CD96: variants seen among roughly 807,000 people sequenced by gnomAD.
CD96 encodes T-cell surface protein tactile.
A neutral mutation model predicts 71.3 loss-of-function variants in CD96; 70 were observed. That is an observed-to-expected ratio of 0.98 (90% CI 0.81 to 1.20). The LOEUF (loss-of-function observed/expected upper bound fraction) is 1.20. CD96 is among the 50% of genes most tolerant of loss of function. The pLI, the probability that CD96 is intolerant of heterozygous loss-of-function variation, is 0.00. For missense variants in CD96, 742 were observed against 677.5 expected (o/e 1.10, Z -1.06); for synonymous variants, 248 against 233.0 (o/e 1.06, Z -0.59).
chr3:111,657,415 A>C (rs1361471393), intron 14 of CD96, among the ~76,000 whole-genome samples: 2 of 143,844 alleles, frequency 1.4e-5, no homozygotes, highest in African/African-American at 5.0e-5. Context: ...ACTCCATTTC[A>C]AAAAAAAAAA....
In CD96 at chr3:111,565,861, C is replaced by A. The variant is rs532052660; in HGVS notation, c.419-1662C>A. 1.3e-4 allele frequency among the ~76,000 whole-genome samples: 19 copies of A among 151,358 alleles called. No homozygotes were observed. The East Asian group carries it at 3.5e-3, about 28-fold the overall frequency. On this transcript the variant is annotated intron_variant, in intron 2 of 13. Transcript: ENST00000352690. ...GGAAGATGTACCCTAATGGGAAGAT[C>A]TGGTTTTAATTAGGAAAAGGAGGAG... is the stretch of plus-strand genomic sequence containing the variant.
chr3:111,565,982 A>T (rs1342683278), intron 2 of CD96, among the ~76,000 whole-genome samples: 1 of 150,450 alleles, frequency 6.6e-6, no homozygotes, highest in Non-Finnish European at 1.5e-5. Context: ...AAACAGAAAT[A>T]TGCCATTAAA....
chr3:111,635,723 A>G (rs989289899), intron 10 of CD96, among the ~76,000 whole-genome samples: 9 of 152,266 alleles, frequency 5.9e-5, no homozygotes, highest in Admixed American at 2.0e-4. Flanking sequence ...TTAAATACCC[A>G]TTTTCCTTAA....
At chr3:111,633,868 T>C (rs887195681) in intron 10 of CD96, 9 of 152,622 alleles carry the variant, frequency 5.9e-5, no homozygotes, top group African/African-American at 1.9e-4. Flanking sequence ...TTGCCACCTA[T>C]ACTGTTGTTC....
rs896351776 is a variant in CD96 at position 111,648,727 on chromosome 3, C to G, written c.1602-971C>G. ...GTTTGTTTTATATGGAGATGAGAAT[C>G]AATCTCTCTATCCTCCTTCCCCCAC... On this transcript the variant is annotated intron_variant, in intron 13 of 13. Coordinates refer to ENST00000352690, the MANE Select transcript of CD96 (RefSeq NM_005816.5). 2.0e-5 allele frequency among the ~76,000 whole-genome samples: 3 copies of G among 151,816 alleles called. No homozygotes were observed. The East Asian group carries it at 5.8e-4, about 29-fold the overall frequency.
At chr3:111,607,006 CA>C in intron 8 of CD96, 1 of 606,476 alleles carries the variant, frequency 1.6e-6, no homozygotes. Context: ...TTAGTATGTT[CA>C]CAGACTTGTA....
chr3:111,576,209 A>G (rs956206398), intron 3 of CD96, among the ~76,000 whole-genome samples: 1 of 152,208 alleles, frequency 6.6e-6, no homozygotes, highest in Non-Finnish European at 1.5e-5. Flanking sequence ...TTTAAAGTGG[A>G]CAATTTTTTT....
intron 1 of CD96, among the ~76,000 whole-genome samples, chr3:111,543,011 A>G (rs929217174): frequency 6.6e-6 from 1 of 152,204 alleles, no homozygotes; most frequent in African/African-American, 2.4e-5. Context: ...TTCTAAATCA[A>G]AAGAGATTTG....
chr3:111,554,705 T>C (rs1490832775), intron 2 of CD96, among the ~76,000 whole-genome samples: 1 of 152,038 alleles, frequency 6.6e-6, no homozygotes, highest in Non-Finnish European at 1.5e-5. Flanking sequence ...GAAGACAACT[T>C]TTCCATAGAC....
chr3:111,658,816 C>A (rs1281263697), intron 14 of CD96, among the ~76,000 whole-genome samples: 1 of 152,188 alleles, frequency 6.6e-6, no homozygotes, highest in Non-Finnish European at 1.5e-5. Flanking sequence ...TCTATTGTGT[C>A]TGTGTTCATC....
At chr3:111,570,915 C>T (rs773459014) in intron 3 of CD96, 18 of 1,583,496 alleles carry the variant, frequency 1.1e-5, no homozygotes, top group Non-Finnish European at 1.5e-5. Context: ...CTGCTCAGTG[C>T]ATGAGGCGCC....
intron 2 of CD96, among the ~76,000 whole-genome samples, chr3:111,550,097 A>G (rs1386931446): frequency 6.6e-6 from 1 of 152,228 alleles, no homozygotes; most frequent in Non-Finnish European, 1.5e-5. Context: ...AGGCAAAAGT[A>G]GAATCAGGAG....
Position 111,638,132 on chromosome 3 carries a change from A to G in CD96, c.1441A>G (p.Asn481Asp). The stretch of plus-strand genomic sequence containing the variant: ...ATTTTCAGAAGTCCCCACAACTGCC[A>G]ATGGATCTACGAAAACTAATCACGT... The part of the protein sequence containing the change: ...RAFSEVPTTA[N>D]GSTKTNHVHI... Residue 481 changes from asparagine (N) to aspartate (D), a missense_variant, in exon 12 of 14, where the codon AAT becomes GAT. Coordinates refer to ENST00000352690, the MANE Select transcript of CD96 (RefSeq NM_005816.5). 1 of 1,611,072 alleles carries G rather than the reference A, an allele frequency of 6.2e-7. No homozygotes were observed. Among genetic ancestry groups the G allele is most frequent in the Non-Finnish European group, 8.5e-7 (1 of 1,177,238 alleles).
intron 6 of CD96, among the ~76,000 whole-genome samples, chr3:111,599,555 A>C (rs934484894): frequency 1.3e-5 from 2 of 152,090 alleles, no homozygotes; most frequent in African/African-American, 4.8e-5. Context: ...CCCCGTCTCT[A>C]CTAAAAATAC....
In CD96 at chr3:111,585,237, C is replaced by T. The variant is rs185876863; in HGVS notation, c.752-86C>T. Reference sequence around the variant, plus strand: ...TATTAATATTTAATGAATGAAGATGCTTATAGACACACACACACATACACA... The same window carrying T: ...TATTAATATTTAATGAATGAAGATGTTTATAGACACACACACACATACACA... On this transcript the variant is annotated intron_variant, in intron 4 of 13. Transcript: ENST00000352690. 934 of 707,942 alleles carry T rather than the reference C, an allele frequency of 1.3e-3. 1 individual carries two copies. Among genetic ancestry groups the T allele is most frequent in the Non-Finnish European group, 1.6e-3 (630 of 384,010 alleles). 43.9% of individuals were successfully genotyped at this position (707,942 alleles called of 1,614,324 possible). A position where few individuals can be genotyped will look rare whatever the true frequency, so the allele number is the denominator to read the frequency against.
At chr3:111,582,691 A>G (rs1161932456) in intron 4 of CD96, among the ~76,000 whole-genome samples, 2 of 152,230 alleles carry the variant, frequency 1.3e-5, no homozygotes, top group African/African-American at 2.4e-5. Context: ...GGTGAAAGGC[A>G]CTTCTTACAT....
intron 8 of CD96, among the ~76,000 whole-genome samples, chr3:111,608,008 CAT>C (rs1937708514): frequency 1.3e-5 from 2 of 148,700 alleles, no homozygotes; most frequent in Non-Finnish European, 3.0e-5. Context: ...TTTAGCAAAA[CAT>C]ATATTGTCGC....
rs562560041 is a variant in CD96 at position 111,591,097 on chromosome 3, A to G, written c.807+5719A>G. ...CCATGTAAAACAGATACCAGAGGCC[A>G]GAAGCAGTGGCTCACGCCTGTAATC... is the stretch of plus-strand genomic sequence containing the variant. On this transcript the variant is annotated intron_variant, in intron 5 of 13. Coordinates refer to ENST00000352690, the MANE Select transcript of CD96 (RefSeq NM_005816.5). Among the ~76,000 whole-genome samples the G allele has an allele frequency of 2.0e-5, 3 of 152,318 alleles. 1 individual carries two copies. In the South Asian group the frequency reaches 6.2e-4, roughly 32 times the overall value.
At chr3:111,623,356 T>C (rs1451184205) in intron 8 of CD96, among the ~76,000 whole-genome samples, 1 of 152,194 alleles carries the variant, frequency 6.6e-6, no homozygotes, top group African/African-American at 2.4e-5. Context: ...ATATTTAGCA[T>C]GTGAAGATAC....
Sources: gnomAD v4.1 joint callset for allele counts (sites outside exome capture counted in the v4.1 genomes callset) on GRCh38, gnomAD v4.1.1 for gene constraint, MANE v1.5 for transcripts, NCBI Gene and HGNC (gene_info 2026-07-23, HGNC 2026-07-21) for gene names.